Variants in C3orf22 observed in about 807,000 individuals in gnomAD.
The protein encoded by C3orf22 is chromosome 3 open reading frame 22.
C3orf22 carries 7 observed loss-of-function variants against 10.8 expected under a neutral mutation model. The observed-to-expected ratio is 0.65, with a 90% CI of 0.37 to 1.22. The LOEUF is 1.22. Ranked by LOEUF, C3orf22 falls within the 50% of genes most tolerant of loss-of-function variation. The pLI is 0.02. For missense variants in C3orf22, 173 were observed against 177.0 expected, an observed-to-expected ratio of 0.98 and a Z score of 0.13; for synonymous variants, 79 against 78.9, an observed-to-expected ratio of 1.00 and a Z score of 0.00.
At chr3:126,551,898 G>A in intron 3 of C3orf22, 99 bp downstream of exon 3, 2 of 1,339,092 alleles carry the variant, frequency 1.5e-6, no homozygotes, top group South Asian at 1.4e-5. Context: ...GCGCGTGCTG[G>A]GAGGATAACA....
intron 4 of C3orf22, among the ~76,000 whole-genome samples, chr3:126,530,060 G>T (rs1936620067): frequency 6.6e-6 from 1 of 152,216 alleles, no homozygotes; most frequent in Non-Finnish European, 1.5e-5. Flanking sequence ...TTTGGGGCCA[G>T]CCCCCAGCTG....
At chr3:126,548,327 A>T (rs756139112), downstream of C3orf22, among the ~76,000 whole-genome samples, 12 of 152,190 alleles carry the variant, frequency 7.9e-5, no homozygotes, top group Non-Finnish European at 1.8e-4. Context: ...GGGGAGAAAG[A>T]TGTGGTGACC....
chr3:126,549,497 G>C (rs529077398), downstream of C3orf22: 3 of 542,266 alleles, frequency 5.5e-6, no homozygotes, highest in African/African-American at 3.8e-5. Context: ...CCAATCCTTT[G>C]CTGTTTCCAG....
exon 6 of C3orf22, chr3:126,527,291 A>G (rs942952909): frequency 6.6e-6 from 1 of 152,222 alleles, no homozygotes; most frequent in Admixed American, 6.5e-5. Flanking sequence ...ACCCAACCCA[A>G]TTCAGACTCC....
At chr3:126,542,435 C>T (rs906756509) in intron 4 of C3orf22, 2 of 1,558,460 alleles carry the variant, frequency 1.3e-6, no homozygotes, top group Non-Finnish European at 8.7e-7. Context: ...GCCGCGGCCC[C>T]GGGGAGCCGC....
Position 126,557,471 on chromosome 3 carries a change from TCCCATAATGTG to T in C3orf22, c.-41+1145_-41+1155del, listed in dbSNP as rs1222812655. Among the ~76,000 whole-genome samples the T allele has an allele frequency of 2.6e-5, 4 of 152,156 alleles. No homozygotes were observed. The East Asian group carries it at 7.7e-4, about 29-fold the overall frequency. On this transcript the variant is annotated intron_variant, in intron 1 of 3. Transcript: ENST00000318225. ...CTCGGGCAAGACTGCTCGGCAGTGA[TCCCATAATGTG>T]CCATGCTGCTCATCCATCCCTCTGA...
chr3:126,544,238 C>G (rs1483490183), intron 4 of C3orf22, among the ~76,000 whole-genome samples: 1 of 152,184 alleles, frequency 6.6e-6, no homozygotes, highest in Non-Finnish European at 1.5e-5. Context: ...TCAGCCCCCT[C>G]ACCACGTGAT....
downstream of C3orf22, among the ~76,000 whole-genome samples, chr3:126,545,506 G>A (rs2107576117): frequency 6.6e-6 from 1 of 152,362 alleles, no homozygotes. Flanking sequence ...CTTCCTGAGA[G>A]GGATGTTTCC....
chr3:126,542,413 C>G lies in C3orf22; in HGVS notation c.286+7124G>C, dbSNP rs751601431. ...GCCTGGCGGGCGCATCCGACCTGAG[C>G]TTCCCTGGGCCGCCGCGGCCCCGGG... is the stretch of plus-strand genomic sequence containing the variant. On this transcript the variant is annotated intron_variant and NMD_transcript_variant, in intron 4 of 5. Transcript: ENST00000505070. The G allele has an allele frequency of 2.6e-6, 4 of 1,552,432 alleles. No homozygotes were observed. The Admixed American group carries it at 7.8e-5, about 30-fold the overall frequency.
At chr3:126,542,068 C>G in intron 4 of C3orf22, 3 of 1,582,224 alleles carry the variant, frequency 1.9e-6, no homozygotes, top group African/African-American at 1.4e-5. Flanking sequence ...CCTTCCTGTT[C>G]GTGCGGGAGC....
intron 1 of C3orf22, among the ~76,000 whole-genome samples, chr3:126,556,612 G>T (rs942296179): frequency 1.3e-5 from 2 of 152,000 alleles, no homozygotes; most frequent in African/African-American, 4.8e-5. Context: ...CCGCTAAGCA[G>T]GTTTCCCACC....
At chr3:126,542,426 C>T (rs1244200401) in intron 4 of C3orf22, 1 of 1,553,536 alleles carries the variant, frequency 6.4e-7, no homozygotes, top group Admixed American at 1.9e-5. Context: ...CCCTGGGCCG[C>T]CGCGGCCCCG....
intron 4 of C3orf22, among the ~76,000 whole-genome samples, chr3:126,537,692 G>A (rs943422005): frequency 8.5e-5 from 13 of 152,226 alleles, no homozygotes; most frequent in African/African-American, 2.7e-4. Context: ...CACAGCCTGA[G>A]GACCCTGTGA....
intron 4 of C3orf22, among the ~76,000 whole-genome samples, chr3:126,537,792 G>A (rs190477092): frequency 2.6e-5 from 4 of 152,256 alleles, no homozygotes; most frequent in Non-Finnish European, 4.4e-5. Flanking sequence ...TGCTGATCAC[G>A]TGCCAGGCCC....
Position 126,552,233 on chromosome 3 carries a change from A to G in C3orf22, c.90-111T>C, listed in dbSNP as rs564886421. On this transcript the variant is annotated intron_variant, in intron 2 of 3. Transcript: ENST00000318225. ...TAGGCACTGTTCTAAGTGCTTCACA[A>G]ATATTAGCCCATATGTCAGCTGACA... The G allele has an allele frequency of 3.3e-6, 5 of 1,504,318 alleles. No individual in the cohort carries two copies. The East Asian group carries it at 1.2e-4, about 36-fold the overall frequency. 93.2% of individuals were successfully genotyped at this position (1,504,318 alleles called of 1,614,324 possible).
chr3:126,556,288 A>G (rs2107585893), intron 1 of C3orf22, among the ~76,000 whole-genome samples: 1 of 152,172 alleles, frequency 6.6e-6, no homozygotes, highest in South Asian at 2.1e-4. Context: ...AGGGCAGGGA[A>G]TTGGATAAAT....
intron 4 of C3orf22, among the ~76,000 whole-genome samples, chr3:126,538,528 TGGGCTCATGCCCTGACACAGCC>T (rs1936850530): frequency 6.6e-6 from 1 of 152,344 alleles, no homozygotes; most frequent in East Asian, 1.9e-4. Context: ...TCCCTGAAGC[TGGGCTCATGCCCTGACACAGCC>T]GGGGTCGGCC....
chr3:126,541,800 GC>G, intron 4 of C3orf22: 1 of 1,550,326 alleles, frequency 6.5e-7, no homozygotes. Context: ...GCCTGTAGCC[GC>G]CACTCACGCC....
chr3:126,554,922 C>A (rs1937290992), intron 1 of C3orf22, among the ~76,000 whole-genome samples: 1 of 152,188 alleles, frequency 6.6e-6, no homozygotes. Flanking sequence ...GTAGAACTTT[C>A]TGAGATGATG....
Sources: gnomAD v4.1 joint callset for allele counts (sites outside exome capture counted in the v4.1 genomes callset) on GRCh38, gnomAD v4.1.1 for gene constraint, MANE v1.5 for transcripts, NCBI Gene and HGNC (gene_info 2026-07-23, HGNC 2026-07-21) for gene names.